Variants in ITGB6 observed in about 807,000 individuals in gnomAD.
ITGB6 encodes the protein integrin beta-6.
Under a neutral mutation model 84.5 loss-of-function variants are expected in ITGB6, and 80 were observed. The observed-to-expected ratio is 0.95, with a 90% confidence interval of 0.79 to 1.14. The LOEUF (loss-of-function observed/expected upper bound fraction) is 1.14, where lower values mean the gene tolerates loss of function less well. Among genes scored for constraint, ITGB6 ranks in the 50% most tolerant of loss-of-function variants. The pLI is 0.00. For missense variants in ITGB6, 1,006 were observed against 968.0 expected (o/e 1.04, Z -0.52); for synonymous variants, 383 against 354.9 (o/e 1.08, Z -0.89).
At chr2:160,169,411 C>T in intron 6 of ITGB6, 104 bp from the exon 7 acceptor site, 2 of 635,078 alleles carry the variant, frequency 3.1e-6, no homozygotes, top group Non-Finnish European at 5.5e-6. Flanking sequence ...CATTTCAATG[C>T]TCACAGGCAT....
intron 7 of ITGB6, among the ~76,000 whole-genome samples, chr2:160,146,751 G>A (rs957277154): frequency 2.0e-5 from 3 of 151,862 alleles, no homozygotes; most frequent in Admixed American, 6.6e-5. Flanking sequence ...TAAATATACC[G>A]TTCAAGAAAT....
intron 12 of ITGB6, 127 bp from the exon 13 acceptor site, chr2:160,112,326 G>T (rs2105780736): frequency 1.1e-6 from 1 of 901,080 alleles, no homozygotes. Flanking sequence ...GAATAGGAGA[G>T]GCATAGGTTT....
chr2:160,118,638 A>C (rs200808655), intron 12 of ITGB6, among the ~76,000 whole-genome samples: 101,031 of 151,412 alleles, frequency 0.67, 34,086 homozygotes, highest in Admixed American at 0.74. Context: ...CACTCCTGTT[A>C]AACATAGTGT....
At chr2:160,121,793 C>T (rs1457096825) in intron 12 of ITGB6, among the ~76,000 whole-genome samples, 1 of 149,204 alleles carries the variant, frequency 6.7e-6, no homozygotes, top group Non-Finnish European at 1.5e-5. Context: ...AAAAAAGACT[C>T]TCAGTAAAAT....
intron 1 of ITGB6, among the ~76,000 whole-genome samples, chr2:160,199,738 C>G (rs1401887658): frequency 6.6e-6 from 1 of 152,202 alleles, no homozygotes; most frequent in Non-Finnish European, 1.5e-5. Flanking sequence ...ATCATACTGG[C>G]ACTAAGTTCC....
At chr2:160,113,203 C>G (rs1013793603) in intron 12 of ITGB6, among the ~76,000 whole-genome samples, 3 of 152,176 alleles carry the variant, frequency 2.0e-5, no homozygotes, top group African/African-American at 7.2e-5. Context: ...CCCTGATAAT[C>G]TTGGACATAC....
chr2:160,166,122 G>A (rs780295809), intron 7 of ITGB6, among the ~76,000 whole-genome samples: 46 of 152,140 alleles, frequency 3.0e-4, no homozygotes, highest in Non-Finnish European at 6.3e-4. Context: ...GTCTCCAGAG[G>A]AAAGGTCCCT....
intron 2 of ITGB6, among the ~76,000 whole-genome samples, chr2:160,198,559 G>C (rs918862525): frequency 6.6e-6 from 1 of 152,152 alleles, no homozygotes; most frequent in African/African-American, 2.4e-5. Flanking sequence ...GGATGGCTTG[G>C]TACATAGTCC....
intron 4 of ITGB6, among the ~76,000 whole-genome samples, chr2:160,181,745 T>C (rs956983073): frequency 1.3e-5 from 2 of 152,130 alleles, no homozygotes; most frequent in African/African-American, 2.4e-5. Context: ...AGAGCTCCAA[T>C]TGACATCTGG....
At position 160,199,218 on chromosome 2, in the gene ITGB6, G is replaced by T. The variant is rs1447908074; in HGVS notation, c.102C>A (p.Cys34Ter). 6.2e-7 allele frequency: 1 copy of T among 1,613,896 alleles called. No homozygotes were observed. The highest frequency in any genetic ancestry group is 8.5e-7 in the Non-Finnish European group (1 of 1,179,956). Residue 34 changes from cysteine (C) to a stop codon, truncating the protein, a stop_gained, in exon 2 of 15, where the codon TGC (cysteine) becomes TGA (stop). Transcript: ENST00000283249. LOFTEE classifies it high-confidence loss of function. ...AGGCACACTGAGGTCCAATAAGCAGGCAGTCTTCACAGGTTTCTGCACCTC... is the reference window on the plus strand; with the variant it reads ...AGGCACACTGAGGTCCAATAAGCAGTCAGTCTTCACAGGTTTCTGCACCTC... ...ALGGAETCED[C>*]LLIGPQCAWC...
intron 7 of ITGB6, among the ~76,000 whole-genome samples, chr2:160,149,365 T>C (rs1684327102): frequency 6.6e-6 from 1 of 152,160 alleles, no homozygotes; most frequent in African/African-American, 2.4e-5. Flanking sequence ...CTGAGGGACA[T>C]GACTGTTAGA....
intron 12 of ITGB6, among the ~76,000 whole-genome samples, chr2:160,114,421 C>G (rs932625660): frequency 6.6e-6 from 1 of 152,116 alleles, no homozygotes; most frequent in Non-Finnish European, 1.5e-5. Flanking sequence ...GCCAGGCAGT[C>G]CGTGGAACCA....
chr2:160,192,378 T>C (rs1229020957), intron 4 of ITGB6, among the ~76,000 whole-genome samples: 2 of 152,116 alleles, frequency 1.3e-5, no homozygotes, highest in Non-Finnish European at 2.9e-5. Flanking sequence ...GAAAAGAAAT[T>C]CTTGTGTAAC....
chr2:160,127,521 G>C (rs1269360526), intron 10 of ITGB6, among the ~76,000 whole-genome samples: 2 of 152,194 alleles, frequency 1.3e-5, no homozygotes, highest in Admixed American at 6.5e-5. Flanking sequence ...TACATGTATT[G>C]ATTGATGTCT....
chr2:160,136,285 A>C lies in ITGB6; in HGVS notation c.1660+1149T>G, dbSNP rs551926848. ...CAAAAGAAGACATTTATGCAGCCAAAAGACACATGAAAAAATGCTCATCAT... is the reference window on the plus strand; with the variant it reads ...CAAAAGAAGACATTTATGCAGCCAACAGACACATGAAAAAATGCTCATCAT... On this transcript the variant is annotated intron_variant, in intron 10 of 14. Coordinates refer to ENST00000283249, the MANE Select transcript of ITGB6 (RefSeq NM_000888.5). Among the ~76,000 whole-genome samples, 860 of 152,334 alleles carry C rather than the reference A, an allele frequency of 5.6e-3. 10 individuals carry two copies. Among genetic ancestry groups the C allele is most frequent in the African/African-American group, 0.019 (805 of 41,580 alleles).
chr2:160,133,835 T>C (rs1028548675), intron 10 of ITGB6, among the ~76,000 whole-genome samples: 1 of 152,020 alleles, frequency 6.6e-6, no homozygotes, highest in Non-Finnish European at 1.5e-5. Context: ...AAGGCAGACA[T>C]AAAGGTGTTC....
At chr2:160,128,064 ACTATGTGCC>A (rs1683305824) in intron 10 of ITGB6, among the ~76,000 whole-genome samples, 1 of 152,216 alleles carries the variant, frequency 6.6e-6, no homozygotes, top group Admixed American at 6.5e-5. Context: ...TTGAGCATAT[ACTATGTGCC>A]AAAGATTGTA....
chr2:160,195,511 T>C lies in ITGB6; in HGVS notation c.451A>G (p.Thr151Ala), dbSNP rs766276805. 1 of 1,614,192 alleles carries C rather than the reference T, an allele frequency of 6.2e-7. No homozygotes were observed. Among genetic ancestry groups the C allele is most frequent in the Non-Finnish European group, 8.5e-7 (1 of 1,180,018 alleles). ...AGCCGGGAGCCCAGCTCCTTTATTG[T>C]GTTGAGGTCGTCATCCATGGAGGCG... The part of the protein sequence containing the change: ...LSASMDDDLN[T>A]IKELGSRLSK... The change falls in exon 4 of 15, where the codon ACA becomes GCA. Residue 151 changes from threonine (T) to alanine (A), a missense_variant. Thr to Ala is a moderately conservative substitution (Grantham distance 58, BLOSUM62 0). Coordinates refer to ENST00000283249, the MANE Select transcript of ITGB6 (RefSeq NM_000888.5).
chr2:160,184,107 G>C (rs1685799695), intron 4 of ITGB6, among the ~76,000 whole-genome samples: 1 of 152,112 alleles, frequency 6.6e-6, no homozygotes, highest in Non-Finnish European at 1.5e-5. Flanking sequence ...AAAGCTAGCA[G>C]GGGACAAGAA....
Sources: allele counts gnomAD v4.1 joint callset (sites outside exome capture counted in the v4.1 genomes callset), GRCh38; gene constraint gnomAD v4.1.1; transcripts MANE v1.5; gene names NCBI Gene and HGNC (gene_info 2026-07-23, HGNC 2026-07-21).